Variants in OVCH1 observed in about 807,000 individuals in gnomAD.
The protein encoded by OVCH1 is ovochymase 1, also known as ovochymase-1.
In OVCH1, 139 loss-of-function variants were observed where a neutral mutation model predicts 138.4. The ratio of observed to expected loss-of-function variants is 1.00; its 90% CI spans 0.87 to 1.16. The LOEUF is 1.16. Ranked by LOEUF, OVCH1 falls within the 50% of genes most tolerant of loss-of-function variation. The pLI is 0.00. For missense variants in OVCH1, 1,367 were observed against 1,357.9 expected (o/e 1.01, Z -0.11); for synonymous variants, 453 against 467.8 (o/e 0.97, Z 0.41).
At chr12:29,458,595 C>A (rs1942029485) in intron 19 of OVCH1, among the ~76,000 whole-genome samples, 1 of 152,078 alleles carries the variant, frequency 6.6e-6, no homozygotes. Context: ...ACAAAGATTT[C>A]TTTAGTAATA....
At chr12:29,435,512 G>A (rs898907042) in intron 26 of OVCH1, among the ~76,000 whole-genome samples, 1 of 151,882 alleles carries the variant, frequency 6.6e-6, no homozygotes, top group Non-Finnish European at 1.5e-5. Flanking sequence ...GACTACAGGC[G>A]CCCGCCTAAT....
At chr12:29,476,628 G>A (rs187970729) in intron 12 of OVCH1, among the ~76,000 whole-genome samples, 213 of 152,244 alleles carry the variant, frequency 1.4e-3, no homozygotes, top group African/African-American at 4.9e-3. Flanking sequence ...CTGGTTTAAT[G>A]TGTTCTGAAA....
chr12:29,428,195 A>C, intron 27 of OVCH1, among the ~76,000 whole-genome samples: 1 of 152,198 alleles, frequency 6.6e-6, no homozygotes, highest in South Asian at 2.1e-4. Context: ...GGCTAAAATG[A>C]GGAACTGCTA....
chr12:29,477,338 C>T lies in OVCH1; in HGVS notation c.1246+3G>A, dbSNP rs756970382. 18 of 1,613,838 alleles carry T rather than the reference C, an allele frequency of 1.1e-5. No homozygotes were observed. Among genetic ancestry groups the T allele is most frequent in the South Asian group, 7.7e-5 (7 of 91,074 alleles). ...CAAGGAATTAAATACCTGAAACACT[C>T]ACCTGCTTCTGACTTCTGTACAGCA... On this transcript the variant is annotated splice_donor_region_variant and intron_variant, in intron 11 of 27. Coordinates refer to ENST00000318184, the Ensembl canonical transcript of OVCH1.
In OVCH1 at chr12:29,451,185, A is replaced by ATAC. The variant is rs971924072; in HGVS notation, c.2755+159_2755+160insGTA. On this transcript the variant is annotated intron_variant, in intron 22 of 27. Transcript: ENST00000318184. ...TATAATCATAATAATAATAATAATA[A>ATAC]TAAAGAAAATGTTAAGTGTGTTTAC... Among the ~76,000 whole-genome samples the ATAC allele has an allele frequency of 2.4e-4, 37 of 152,038 alleles. No individual in the cohort carries two copies. The East Asian group carries it at 6.2e-3, about 25-fold the overall frequency.
At chr12:29,407,935 A>G (rs1209385969), downstream of OVCH1, among the ~76,000 whole-genome samples, 18 of 148,652 alleles carry the variant, frequency 1.2e-4, 1 homozygote, top group Admixed American at 1.2e-3. Context: ...CTTCCTACCC[A>G]TGAGCATGGA....
intron 3 of OVCH1, 44 bp downstream of exon 3, chr12:29,496,137 G>C: frequency 6.6e-7 from 1 of 1,510,956 alleles, no homozygotes; most frequent in Non-Finnish European, 9.1e-7. Context: ...CAGTCGCATA[G>C]CCAGGAATCA....
intron 19 of OVCH1, among the ~76,000 whole-genome samples, chr12:29,459,010 A>T (rs1234161205): frequency 6.6e-6 from 1 of 152,228 alleles, no homozygotes; most frequent in Non-Finnish European, 1.5e-5. Context: ...GAGGTGGAGA[A>T]AAAGGGAACC....
At chr12:29,423,045 C>T (rs148600013), downstream of OVCH1, 5 of 328,804 alleles carry the variant, frequency 1.5e-5, no homozygotes, top group South Asian at 9.8e-5. Context: ...CTACTAGTGA[C>T]CCTTAAACCA....
the OVCH1 span, among the ~76,000 whole-genome samples, chr12:29,406,236 A>G: frequency 2.0e-5 from 3 of 152,328 alleles, no homozygotes; most frequent in South Asian, 6.2e-4. Context: ...ACATGTTTTT[A>G]TAAGTATCAA....
chr12:29,418,748 G>A (rs1941063680), intron 3 of OVCH1, among the ~76,000 whole-genome samples: 1 of 152,188 alleles, frequency 6.6e-6, no homozygotes, highest in South Asian at 2.1e-4. Context: ...TCTGTTACCA[G>A]GTTGTCTGTG....
At chr12:29,491,780 A>G (rs747832171) in intron 4 of OVCH1, among the ~76,000 whole-genome samples, 13 of 152,212 alleles carry the variant, frequency 8.5e-5, no homozygotes, top group African/African-American at 1.2e-4. Context: ...CACACTAAAA[A>G]CAAAGAATGG....
chr12:29,469,705 C>T (rs1942436219), intron 16 of OVCH1, among the ~76,000 whole-genome samples: 1 of 133,094 alleles, frequency 7.5e-6, no homozygotes, highest in African/African-American at 2.9e-5. Flanking sequence ...CATAGCAAGA[C>T]CCCGTGTCTT....
intron 8 of OVCH1, among the ~76,000 whole-genome samples, chr12:29,479,716 T>A (rs1942861443): frequency 6.6e-6 from 1 of 152,080 alleles, no homozygotes; most frequent in African/African-American, 2.4e-5. Flanking sequence ...CCTTTACAAA[T>A]ATTAAGGACT....
rs779542284 is a variant in OVCH1 at position 29,495,337 on chromosome 12, TTC to T, written c.400_401del (p.Glu134IlefsTer5). 6.2e-7 allele frequency: 1 copy of T among 1,613,340 alleles called. No individual in the cohort carries two copies. The highest frequency in any genetic ancestry group is 2.2e-5 in the East Asian group (1 of 44,774). On this transcript the variant is annotated frameshift_variant, in exon 4 of 28. Coordinates refer to ENST00000318184, the Ensembl canonical transcript of OVCH1. LOFTEE classifies it high-confidence loss of function. ...GCAGTGCAATATCAGGACTCATATA[TTC>T]ACGGCTGTTGTATTCAGGATGGGTA...
At chr12:29,484,595 G>C (rs907230145) in intron 8 of OVCH1, among the ~76,000 whole-genome samples, 118 bp downstream of exon 9, 7 of 152,222 alleles carry the variant, frequency 4.6e-5, no homozygotes, top group African/African-American at 1.7e-4. Flanking sequence ...TTTGAGCCCA[G>C]CCTGGGCAAC....
chr12:29,425,713 T>C (rs1941169638), downstream of OVCH1, among the ~76,000 whole-genome samples: 1 of 152,214 alleles, frequency 6.6e-6, no homozygotes, highest in Admixed American at 6.5e-5. Flanking sequence ...AGAGTTTTCA[T>C]CTTCATGAGA....
rs535223299 is a variant in OVCH1, at chr12:29,486,384, T to A, written c.893-36A>T. 164 of 1,428,140 alleles carry A rather than the reference T, an allele frequency of 1.1e-4. No individual in the cohort carries two copies. In the East Asian group the frequency reaches 3.7e-3, roughly 32 times the overall value. 88.5% of individuals were successfully genotyped at this position (1,428,140 alleles called of 1,614,324 possible). On this transcript the variant is annotated intron_variant, in intron 7 of 27. Coordinates refer to ENST00000318184, the Ensembl canonical transcript of OVCH1. ...TATAAGGAGTTAGTGCCTTTCCCAA[T>A]AATAATCATTTAAATAAAACATTTT...
chr12:29,478,561 C>A (rs770897624), intron 9 of OVCH1, among the ~76,000 whole-genome samples: 11 of 152,154 alleles, frequency 7.2e-5, no homozygotes, highest in Non-Finnish European at 1.3e-4. Flanking sequence ...GTGTGTTGAT[C>A]ACTGTCTCCA....
Sources: allele counts gnomAD v4.1 joint callset (sites outside exome capture counted in the v4.1 genomes callset), GRCh38; gene constraint gnomAD v4.1.1; transcripts MANE v1.5; gene names NCBI Gene and HGNC (gene_info 2026-07-23, HGNC 2026-07-21).